CNTN4: variants seen among roughly 807,000 people sequenced by gnomAD.
The protein encoded by CNTN4 is contactin 4.
In CNTN4, 77 loss-of-function variants were observed where a neutral mutation model predicts 122.5. That is an observed-to-expected ratio of 0.63 (90% CI 0.52 to 0.76). CNTN4 has a LOEUF of 0.76. CNTN4 is among the 30% of genes least tolerant of loss of function. The pLI is 0.00. For missense variants in CNTN4, 1,256 were observed against 1,259.1 expected (o/e 1.00, Z 0.04); for synonymous variants, 512 against 447.0 (o/e 1.15, Z -1.83).
At chr3:2,230,358 A>T (rs2039438651) in intron 2 of CNTN4, among the ~76,000 whole-genome samples, 1 of 152,324 alleles carries the variant, frequency 6.6e-6, no homozygotes, top group East Asian at 1.9e-4. Flanking sequence ...GTTCAGATAG[A>T]CAACAAGAAA....
intron 3 of CNTN4, among the ~76,000 whole-genome samples, chr3:2,399,134 C>A (rs1000936104): frequency 2.0e-5 from 3 of 151,946 alleles, no homozygotes; most frequent in Non-Finnish European, 2.9e-5. Context: ...AAATAATATC[C>A]TTTAGGTTAG....
intron 2 of CNTN4, among the ~76,000 whole-genome samples, chr3:2,266,687 A>C (rs2041064045): frequency 1.3e-5 from 2 of 152,070 alleles, no homozygotes; most frequent in South Asian, 4.1e-4. Context: ...TCTTCTATGC[A>C]AACCAATTCA....
At chr3:2,481,169 C>T (rs1482953243) in intron 3 of CNTN4, among the ~76,000 whole-genome samples, 1 of 150,766 alleles carries the variant, frequency 6.6e-6, no homozygotes, top group African/African-American at 2.4e-5. Flanking sequence ...GAAACAGAGT[C>T]TCGCTCTGTC....
At chr3:2,240,141 A>T (rs929833148) in intron 2 of CNTN4, among the ~76,000 whole-genome samples, 3 of 152,218 alleles carry the variant, frequency 2.0e-5, no homozygotes, top group African/African-American at 7.2e-5. Context: ...AGATTAGAGA[A>T]ATCAATGCAT....
At chr3:2,631,539 G>A (rs890089558) in intron 4 of CNTN4, among the ~76,000 whole-genome samples, 4 of 151,962 alleles carry the variant, frequency 2.6e-5, no homozygotes, top group Non-Finnish European at 5.9e-5. Context: ...CCACCATCTG[G>A]TTCTATACCG....
chr3:3,006,116 T>C (rs1285232666), intron 14 of CNTN4, among the ~76,000 whole-genome samples: 2 of 152,040 alleles, frequency 1.3e-5, no homozygotes, highest in African/African-American at 4.8e-5. Flanking sequence ...GACCTTGTGA[T>C]CCGCCCGCCT....
intron 2 of CNTN4, among the ~76,000 whole-genome samples, chr3:2,286,404 A>G (rs2041905406): frequency 6.6e-6 from 1 of 151,770 alleles, no homozygotes; most frequent in African/African-American, 2.4e-5. Context: ...AAACCTGAAA[A>G]GAAAATACCA....
At chr3:2,209,897 G>A (rs890249534) in intron 2 of CNTN4, among the ~76,000 whole-genome samples, 1 of 151,690 alleles carries the variant, frequency 6.6e-6, no homozygotes, top group Non-Finnish European at 1.5e-5. Flanking sequence ...GCTCTCTGTG[G>A]GCCCATATTG....
At chr3:2,392,234 G>C (rs963693589) in intron 3 of CNTN4, among the ~76,000 whole-genome samples, 2 of 152,176 alleles carry the variant, frequency 1.3e-5, no homozygotes, top group East Asian at 1.9e-4. Context: ...CCCCTGTGAG[G>C]CTGTCTCTTC....
chr3:2,161,446 G>A (rs903871272), intron 2 of CNTN4, among the ~76,000 whole-genome samples: 2 of 152,034 alleles, frequency 1.3e-5, no homozygotes, highest in African/African-American at 4.8e-5. Context: ...ATAGAGTGGG[G>A]GCAGTGGAGG....
intron 6 of CNTN4, among the ~76,000 whole-genome samples, chr3:2,793,693 G>T (rs2092082635): frequency 6.6e-6 from 1 of 152,082 alleles, no homozygotes; most frequent in Admixed American, 6.6e-5. Flanking sequence ...TCACCTCACT[G>T]CTGCTACCAG....
chr3:2,939,895 T>G (rs2094598246), intron 13 of CNTN4, among the ~76,000 whole-genome samples: 1 of 152,178 alleles, frequency 6.6e-6, no homozygotes, highest in African/African-American at 2.4e-5. Flanking sequence ...CAGCGATAGC[T>G]CACATTCATA....
At chr3:2,354,914 G>A (rs1413065165) in intron 3 of CNTN4, among the ~76,000 whole-genome samples, 2 of 152,196 alleles carry the variant, frequency 1.3e-5, no homozygotes, top group African/African-American at 4.8e-5. Flanking sequence ...GACAGAAATA[G>A]GAGCATTAGC....
chr3:2,180,045 C>G (rs1375038818), intron 2 of CNTN4, among the ~76,000 whole-genome samples: 1 of 151,304 alleles, frequency 6.6e-6, no homozygotes, highest in Non-Finnish European at 1.5e-5. Flanking sequence ...CCATAGGTAG[C>G]TTATGGCTGC....
intron 14 of CNTN4, among the ~76,000 whole-genome samples, chr3:3,023,845 A>G (rs1698496362): frequency 6.6e-6 from 1 of 152,206 alleles, no homozygotes; most frequent in Non-Finnish European, 1.5e-5. Context: ...TTGCTGTATT[A>G]TGCCCTTAGA....
At chr3:2,462,597 T>C (rs1008458847) in intron 3 of CNTN4, among the ~76,000 whole-genome samples, 1 of 152,214 alleles carries the variant, frequency 6.6e-6, no homozygotes, top group Non-Finnish European at 1.5e-5. Context: ...ATGCCTTTTA[T>C]CAGTCATGCA....
chr3:3,043,231 C>T, intron 22 of CNTN4, 68 bp downstream of exon 22: 1 of 1,404,558 alleles, frequency 7.1e-7, no homozygotes, highest in Non-Finnish European at 1.0e-6. Context: ...ATTCCTTATC[C>T]CCACCTCCCA....
At chr3:2,145,403 C>A (rs940646480) in intron 2 of CNTN4, among the ~76,000 whole-genome samples, 1 of 152,230 alleles carries the variant, frequency 6.6e-6, no homozygotes. Context: ...TCTCCACTCC[C>A]TGTGCTACCA....
rs144886197 is a variant in CNTN4 at position 2,729,293 on chromosome 3, G to A, written c.56-6922G>A. ...TTTAGAAATGAAAGTGGCCGGGCGCGGTGGCTCACGCCTGTAATCCTAGCA... is the reference window on the plus strand; with the variant it reads ...TTTAGAAATGAAAGTGGCCGGGCGCAGTGGCTCACGCCTGTAATCCTAGCA... On this transcript the variant is annotated intron_variant, in intron 4 of 24. Coordinates refer to ENST00000418658, the MANE Select transcript of CNTN4 (RefSeq NM_175607.3). Among the ~76,000 whole-genome samples, 207 of 152,132 alleles carry A rather than the reference G, an allele frequency of 1.4e-3. 1 individual carries two copies. Among genetic ancestry groups the A allele is most frequent in the African/African-American group, 3.9e-3 (162 of 41,498 alleles).
Sources: allele counts gnomAD v4.1 joint callset (sites outside exome capture counted in the v4.1 genomes callset), GRCh38; gene constraint gnomAD v4.1.1; transcripts MANE v1.5; gene names NCBI Gene and HGNC (gene_info 2026-07-23, HGNC 2026-07-21).